The following SYT7 variants were observed in gnomAD, a reference collection of about 807,000 sequenced individuals.
SYT7 encodes the protein synaptotagmin 7.
Under a neutral mutation model 75.1 loss-of-function variants are expected in SYT7, and 29 were observed. That is an observed-to-expected ratio of 0.39 (90% CI 0.29 to 0.53). SYT7 has a LOEUF of 0.53. Ranked by LOEUF, SYT7 falls within the 20% of genes least tolerant of loss-of-function variation. The pLI, the probability that SYT7 is intolerant of heterozygous loss-of-function variation, is 0.77. For synonymous variants in SYT7, 376 were observed against 401.7 expected (o/e 0.94, Z 0.76); for missense variants, 693 against 953.2 (o/e 0.73, Z 3.59).
intron 7 of SYT7, among the ~76,000 whole-genome samples, chr11:61,537,004 C>T (rs1432681132): frequency 6.6e-6 from 1 of 152,344 alleles, no homozygotes; most frequent in East Asian, 1.9e-4. Flanking sequence ...GTTAGCCTGT[C>T]CAATCCTTCA....
At chr11:61,577,946 C>A (rs2064130678) in intron 1 of SYT7, among the ~76,000 whole-genome samples, 1 of 152,174 alleles carries the variant, frequency 6.6e-6, no homozygotes, top group Non-Finnish European at 1.5e-5. Flanking sequence ...CTGGGGCCTG[C>A]CTGGCCTGGG....
intron 7 of SYT7, chr11:61,533,567 A>C (rs2062776552): frequency 2.0e-6 from 2 of 985,232 alleles, no homozygotes; most frequent in Admixed American, 1.2e-4. Context: ...TACCCTCTGC[A>C]AACACGCCCA....
At position 61,517,886 on chromosome 11, in the gene SYT7, C is replaced by A. The variant is rs2135003014; in HGVS notation, c.*741G>T. On this transcript the variant is annotated 3_prime_UTR_variant, in exon 13 of 13. Coordinates refer to ENST00000539008, the MANE Select transcript of SYT7 (RefSeq NM_001365809.2). ...TGGCAGGAGGCAGCCCAGTTCTCAG[C>A]CCAGCTCCAGCAACTGCAGCTCTTC... 1 of 288,422 alleles carries A rather than the reference C, an allele frequency of 3.5e-6. No individual in the cohort carries two copies. Among genetic ancestry groups the A allele is most frequent in the East Asian group, 5.8e-5 (1 of 17,214 alleles). The allele number at this position is 288,422 out of a possible 1,614,324, so 17.9% of individuals were successfully genotyped here.
In SYT7 at chr11:61,514,699, A is replaced by C. The variant is rs1375292585; in HGVS notation, c.*3928T>G. 1.3e-5 allele frequency among the ~76,000 whole-genome samples: 2 copies of C among 152,228 alleles called. No individual in the cohort carries two copies. The highest frequency in any genetic ancestry group is 6.5e-5 in the Admixed American group (1 of 15,280). ...GCTTGCCCAGGGCCACAGAGGCTGC[A>C]GAAGGGATTACAACCCAGCTTCCCA... On this transcript the variant is annotated 3_prime_UTR_variant, in exon 13 of 13. Transcript: ENST00000539008.
At chr11:61,530,768 C>G in intron 8 of SYT7, 1 of 982,970 alleles carries the variant, frequency 1.0e-6, no homozygotes, top group Non-Finnish European at 1.2e-6. Flanking sequence ...GTAGGTTTCA[C>G]CTGGGAAAGG....
At chr11:61,563,447 T>A (rs986867324) in intron 1 of SYT7, among the ~76,000 whole-genome samples, 1 of 152,200 alleles carries the variant, frequency 6.6e-6, no homozygotes, top group Non-Finnish European at 1.5e-5. Context: ...TACTGCGCCA[T>A]GAAGTTTACA....
chr11:61,552,056 G>A (rs1230759289), intron 2 of SYT7, among the ~76,000 whole-genome samples: 4 of 152,192 alleles, frequency 2.6e-5, no homozygotes, highest in East Asian at 1.9e-4. Context: ...GAGACTGCCC[G>A]CTGACTCAGA....
intron 8 of SYT7, chr11:61,531,211 C>G: frequency 1.2e-6 from 1 of 865,832 alleles, no homozygotes; most frequent in Non-Finnish European, 1.4e-6. Context: ...AGACTCTGCC[C>G]TCCCACCTCT....
Position 61,524,542 on chromosome 11 carries a change from T to G in SYT7, c.1472-10A>C, listed in dbSNP as rs768986317. On this transcript the variant is annotated splice_polypyrimidine_tract_variant and intron_variant, in intron 9 of 12. Transcript: ENST00000539008. This position sits in a 1 kb window ranked among gnomAD's most constrained non-coding sequence, Gnocchi z 4.1. ...TTCTCATAGGGAAAACCTGGGGGTA[T>G]AGATGAGTGTGAGTGAAGAGGGGGA... 2.2e-5 allele frequency: 34 copies of G among 1,568,642 alleles called. No homozygotes were observed. The highest frequency in any genetic ancestry group is 2.9e-5 in the Non-Finnish European group (33 of 1,155,814).
intron 6 of SYT7, 80 bp from the exon 7 acceptor site, chr11:61,538,346 G>GGGGAGAGAGA (rs1412784519): frequency 2.5e-5 from 5 of 203,236 alleles, no homozygotes; most frequent in Non-Finnish European, 3.4e-5. Flanking sequence ...GGAGAGAGAG[G>GGGGAGAGAGA]GAGAGAGAGA....
chr11:61,548,681 C>G (rs1318147575), intron 3 of SYT7, among the ~76,000 whole-genome samples: 1 of 152,180 alleles, frequency 6.6e-6, no homozygotes, highest in Non-Finnish European at 1.5e-5. Context: ...ACCCCACCCC[C>G]CAGGATCAAG....
At chr11:61,584,327 G>A (rs570479274), upstream of SYT7, among the ~76,000 whole-genome samples, 42 of 151,670 alleles carry the variant, frequency 2.8e-4, no homozygotes, top group African/African-American at 9.9e-4. Flanking sequence ...CCCGGGAGGT[G>A]GAGGTTGCAG....
At chr11:61,544,700 G>A (rs1345329081) in intron 5 of SYT7, among the ~76,000 whole-genome samples, 1 of 152,214 alleles carries the variant, frequency 6.6e-6, no homozygotes, top group Non-Finnish European at 1.5e-5. Flanking sequence ...CTCCAGGCCT[G>A]GAGCCAGTGG....
At position 61,556,190 on chromosome 11, in the gene SYT7, C is replaced by T. The variant is rs147650793; in HGVS notation, c.49G>A (p.Val17Ile). ...AASPGAPSRDVLLVSAIITVS... is the reference protein window; with the variant it reads ...AASPGAPSRDILLVSAIITVS... ...GTGATGATGGCAGAGACCAGCAGGACGTCGCGCGAGGGCGCCCCTGGGGAG... is the reference window on the plus strand; with the variant it reads ...GTGATGATGGCAGAGACCAGCAGGATGTCGCGCGAGGGCGCCCCTGGGGAG... Residue 17 changes from valine to isoleucine, a missense_variant, in exon 2 of 13, where the codon GTC (valine) becomes ATC (isoleucine). Coordinates refer to ENST00000539008, the MANE Select transcript of SYT7 (RefSeq NM_001365809.2). The T allele has an allele frequency of 4.8e-5, 78 of 1,613,592 alleles. No homozygotes were observed. In the African/African-American group the frequency reaches 6.0e-4, roughly 12 times the overall value.
At chr11:61,585,949 T>G (rs959171347), upstream of SYT7, among the ~76,000 whole-genome samples, 1 of 152,210 alleles carries the variant, frequency 6.6e-6, no homozygotes, top group African/African-American at 2.4e-5. Context: ...CACAAAGATG[T>G]GAGAATACCC....
chr11:61,547,425 G>C, intron 3 of SYT7, 117 bp from the exon 4 acceptor site: 1 of 1,213,706 alleles, frequency 8.2e-7, no homozygotes, highest in South Asian at 1.5e-5. Context: ...AGTGGGCGGG[G>C]CTTCGTGGGT....
chr11:61,544,510 G>A (rs555201912), intron 5 of SYT7, among the ~76,000 whole-genome samples: 27 of 152,310 alleles, frequency 1.8e-4, no homozygotes, highest in African/African-American at 5.3e-4. Flanking sequence ...TCCAGGGGCC[G>A]GCCCAGGCCT....
chr11:61,537,486 C>T (rs1437523892), intron 7 of SYT7, among the ~76,000 whole-genome samples: 1 of 152,228 alleles, frequency 6.6e-6, no homozygotes, highest in Admixed American at 6.5e-5. Context: ...CCGAGGCCAG[C>T]CGCAGTGAAA....
rs942734862 is a variant in SYT7, at chr11:61,523,373, G to A, written c.1757-99C>T. On this transcript the variant is annotated intron_variant, in intron 11 of 12. Coordinates refer to ENST00000539008, the MANE Select transcript of SYT7 (RefSeq NM_001365809.2). This position sits in a 1 kb window ranked among gnomAD's most constrained non-coding sequence, Gnocchi z 5.0. Reference sequence around the variant, plus strand: ...GAATGGAAGCTGAGGCAGGAGGGCCGTGTGCTTTCCCCAGAGGCAAGGAAA... The same window carrying A: ...GAATGGAAGCTGAGGCAGGAGGGCCATGTGCTTTCCCCAGAGGCAAGGAAA... The A allele has an allele frequency of 1.2e-4, 150 of 1,207,022 alleles. No individual in the cohort carries two copies. Among genetic ancestry groups the A allele is most frequent in the African/African-American group, 3.3e-4 (22 of 66,904 alleles). 74.8% of individuals were successfully genotyped at this position (1,207,022 alleles called of 1,614,324 possible). A position where few individuals can be genotyped will look rare whatever the true frequency, so the allele number is the denominator to read the frequency against.
Sources: gnomAD v4.1 joint callset for allele counts (sites outside exome capture counted in the v4.1 genomes callset) on GRCh38, gnomAD v4.1.1 for gene constraint, Gnocchi (gnomAD v3.1) non-coding constraint, MANE v1.5 for transcripts, NCBI Gene and HGNC (gene_info 2026-07-23, HGNC 2026-07-21) for gene names.